SLC35F1: variants seen among roughly 807,000 people sequenced by gnomAD.
SLC35F1 encodes chromosome 6 open reading frame 169.
In SLC35F1, 14 loss-of-function variants were observed where a neutral mutation model predicts 48.7. That is an observed-to-expected ratio of 0.29 (90% CI 0.19 to 0.45). SLC35F1 has a LOEUF of 0.45. SLC35F1 is among the 20% of genes least tolerant of loss of function. SLC35F1 has a pLI of 1.00. For missense variants in SLC35F1, 404 were observed against 500.0 expected, an observed-to-expected ratio of 0.81 and a Z score of 1.83; for synonymous variants, 190 against 202.2, an observed-to-expected ratio of 0.94 and a Z score of 0.51.
At chr6:118,121,722 TTG>T (rs1216172255) in intron 1 of SLC35F1, among the ~76,000 whole-genome samples, 2 of 152,190 alleles carry the variant, frequency 1.3e-5, no homozygotes, top group African/African-American at 4.8e-5. Flanking sequence ...AGTTTATCTT[TTG>T]TATGGTCTCC....
At chr6:118,050,557 C>T (rs1459674182) in intron 1 of SLC35F1, among the ~76,000 whole-genome samples, 3 of 152,028 alleles carry the variant, frequency 2.0e-5, no homozygotes, top group African/African-American at 7.2e-5. Context: ...AGAACAGAAA[C>T]TATCCAGGCA....
At chr6:118,158,416 T>C (rs1028549652) in intron 2 of SLC35F1, among the ~76,000 whole-genome samples, 6 of 152,180 alleles carry the variant, frequency 3.9e-5, no homozygotes, top group Non-Finnish European at 8.8e-5. Context: ...GAGAGTCTCA[T>C]AGTCACAAGT....
intron 1 of SLC35F1, among the ~76,000 whole-genome samples, chr6:118,027,710 C>A (rs1427362916): frequency 6.6e-6 from 1 of 151,978 alleles, no homozygotes; most frequent in Non-Finnish European, 1.5e-5. Flanking sequence ...ATACAAGCAC[C>A]TTGTCAGATA....
chr6:117,950,480 A>C (rs540750868), intron 1 of SLC35F1, among the ~76,000 whole-genome samples: 1 of 152,288 alleles, frequency 6.6e-6, no homozygotes, highest in South Asian at 2.1e-4. Context: ...TTTGATAAGC[A>C]CTTATTGAGC....
Position 117,907,667 on chromosome 6 carries a change from A to C in SLC35F1, c.-60A>C. 1 of 1,057,420 alleles carries C rather than the reference A, an allele frequency of 9.5e-7. No homozygotes were observed. Among genetic ancestry groups the C allele is most frequent in the Non-Finnish European group, 1.3e-6 (1 of 768,512 alleles). The allele number at this position is 1,057,420 out of a possible 1,614,324, so 65.5% of individuals were successfully genotyped here. A position where few individuals can be genotyped will look rare whatever the true frequency, so the allele number is the denominator to read the frequency against. ...TCCTCTGCGCGTTCCCGGGCCCGGAACCGGCACACGATGCACCCGGCTGCG... is the reference window on the plus strand; with the variant it reads ...TCCTCTGCGCGTTCCCGGGCCCGGACCCGGCACACGATGCACCCGGCTGCG... On this transcript the variant is annotated 5_prime_UTR_variant, in exon 1 of 8. Transcript: ENST00000360388.
At chr6:118,140,369 C>G (rs149698268) in intron 1 of SLC35F1, among the ~76,000 whole-genome samples, 2 of 152,172 alleles carry the variant, frequency 1.3e-5, no homozygotes, top group Non-Finnish European at 2.9e-5. Context: ...CACCTAGAGA[C>G]GTTGTAGACT....
intron 1 of SLC35F1, among the ~76,000 whole-genome samples, chr6:117,976,723 CT>C (rs1314557417): frequency 1.3e-5 from 2 of 152,108 alleles, no homozygotes; most frequent in African/African-American, 4.8e-5. Flanking sequence ...ATTTTCTCCC[CT>C]GATTTCAAAA....
intron 1 of SLC35F1, among the ~76,000 whole-genome samples, chr6:118,043,670 G>A (rs1772259352): frequency 6.9e-6 from 1 of 144,352 alleles, no homozygotes; most frequent in Admixed American, 7.1e-5. Flanking sequence ...GTCTGGGATG[G>A]GGAGTGTTAG....
At chr6:117,977,368 TAA>T (rs1340341773) in intron 1 of SLC35F1, among the ~76,000 whole-genome samples, 3 of 152,102 alleles carry the variant, frequency 2.0e-5, no homozygotes, top group Non-Finnish European at 2.9e-5. Flanking sequence ...AAAGGTTTTT[TAA>T]AACCAATTTA....
At chr6:118,242,116 A>G (rs1775448526) in intron 3 of SLC35F1, among the ~76,000 whole-genome samples, 2 of 152,228 alleles carry the variant, frequency 1.3e-5, no homozygotes, top group African/African-American at 4.8e-5. Context: ...GTCATATGGT[A>G]AGTGCATATT....
chr6:118,226,326 A>C (rs1020208617), intron 2 of SLC35F1, among the ~76,000 whole-genome samples: 1 of 152,246 alleles, frequency 6.6e-6, no homozygotes, highest in African/African-American at 2.4e-5. Flanking sequence ...CTAGAAATAG[A>C]ACTAACCATA....
chr6:117,956,172 C>T (rs1776424238), intron 1 of SLC35F1, among the ~76,000 whole-genome samples: 1 of 152,142 alleles, frequency 6.6e-6, no homozygotes, highest in Admixed American at 6.5e-5. Context: ...GTATTGGATG[C>T]CCCAGGGTAG....
intron 2 of SLC35F1, among the ~76,000 whole-genome samples, chr6:118,209,471 G>A (rs936944865): frequency 6.6e-6 from 1 of 151,960 alleles, no homozygotes; most frequent in Non-Finnish European, 1.5e-5. Context: ...TTTATTGTAG[G>A]CATCTTTACA....
chr6:118,306,211 T>A (rs570896346), intron 7 of SLC35F1, among the ~76,000 whole-genome samples: 1 of 151,172 alleles, frequency 6.6e-6, no homozygotes, highest in Non-Finnish European at 1.5e-5. Context: ...ATGGAACCTT[T>A]GTTCTGTCTT....
chr6:118,311,728 C>G (rs1776374337), intron 7 of SLC35F1, among the ~76,000 whole-genome samples: 1 of 152,030 alleles, frequency 6.6e-6, no homozygotes, highest in African/African-American at 2.4e-5. Flanking sequence ...AAGATTGATG[C>G]TGCGGTAAAC....
intron 2 of SLC35F1, among the ~76,000 whole-genome samples, chr6:118,166,982 T>C (rs1698188440): frequency 1.3e-5 from 2 of 152,208 alleles, no homozygotes; most frequent in African/African-American, 2.4e-5. Flanking sequence ...CTTATTCAGA[T>C]TTCTCTTATA....
intron 1 of SLC35F1, among the ~76,000 whole-genome samples, chr6:117,993,310 A>G (rs563717331): frequency 6.6e-6 from 1 of 152,248 alleles, no homozygotes. Flanking sequence ...CCTTAACCAC[A>G]TGGTCTTCAT....
chr6:117,935,027 A>C (rs914273994), intron 1 of SLC35F1, among the ~76,000 whole-genome samples: 4 of 152,218 alleles, frequency 2.6e-5, no homozygotes, highest in African/African-American at 9.6e-5. Context: ...GAATCGTTTG[A>C]ACCTGGGAGG....
intron 1 of SLC35F1, among the ~76,000 whole-genome samples, chr6:117,998,536 C>T (rs1777035814): frequency 6.6e-6 from 1 of 152,158 alleles, no homozygotes; most frequent in Non-Finnish European, 1.5e-5. Context: ...TAAAGCTGTC[C>T]TCAGCAAATG....
Sources: gnomAD v4.1 joint callset for allele counts (sites outside exome capture counted in the v4.1 genomes callset) on GRCh38, gnomAD v4.1.1 for gene constraint, MANE v1.5 for transcripts, NCBI Gene and HGNC (gene_info 2026-07-23, HGNC 2026-07-21) for gene names.